Variants in NKAIN3 observed in about 807,000 individuals in gnomAD.
NKAIN3 encodes the protein sodium/potassium transporting ATPase interacting 3, also known as sodium/potassium-transporting ATPase subunit beta-1-interacting protein 3.
Under a neutral mutation model 30.2 loss-of-function variants are expected in NKAIN3, and 25 were observed. The ratio of observed to expected loss-of-function variants is 0.83; its 90% confidence interval spans 0.60 to 1.16. NKAIN3 has a LOEUF of 1.16. Among genes scored for constraint, NKAIN3 ranks in the 50% most tolerant of loss-of-function variants. The pLI is 0.00. For synonymous variants in NKAIN3, 91 were observed against 89.6 expected, an observed-to-expected ratio of 1.02 and a Z score of -0.09; for missense variants, 225 against 254.1, an observed-to-expected ratio of 0.89 and a Z score of 0.78.
chr8:62,636,044 G>A (rs1027174008), intron 3 of NKAIN3, among the ~76,000 whole-genome samples: 1 of 152,146 alleles, frequency 6.6e-6, no homozygotes, highest in Non-Finnish European at 1.5e-5. Context: ...ATGGAGCCGT[G>A]TGATAAGAAA....
At chr8:62,812,706 A>G (rs577671393) in intron 4 of NKAIN3, among the ~76,000 whole-genome samples, 2 of 151,834 alleles carry the variant, frequency 1.3e-5, no homozygotes, top group East Asian at 3.9e-4. Context: ...GCTTTTTACT[A>G]CACTCAATTT....
chr8:62,280,854 G>A (rs930452813), intron 1 of NKAIN3, among the ~76,000 whole-genome samples: 3 of 152,052 alleles, frequency 2.0e-5, no homozygotes, highest in African/African-American at 7.3e-5. Flanking sequence ...TTGTGCCTCT[G>A]CCAGGCTTTG....
downstream of NKAIN3, among the ~76,000 whole-genome samples, chr8:62,985,566 G>A (rs775635000): frequency 3.3e-5 from 5 of 152,120 alleles, no homozygotes; most frequent in South Asian, 1.0e-3. Flanking sequence ...CTTAACATGA[G>A]AGTACTGTAG....
intron 1 of NKAIN3, among the ~76,000 whole-genome samples, chr8:62,370,830 T>C (rs374042893): frequency 1.3e-5 from 2 of 152,060 alleles, no homozygotes; most frequent in African/African-American, 4.8e-5. Context: ...CCAGAAGAAA[T>C]GCAGCAGGAA....
chr8:62,580,976 G>T (rs2130066289), intron 2 of NKAIN3, among the ~76,000 whole-genome samples: 1 of 148,998 alleles, frequency 6.7e-6, no homozygotes, highest in South Asian at 2.1e-4. Context: ...ACATTGGGGG[G>T]CCTGTGGTCC....
At chr8:62,810,503 A>T (rs938876227) in intron 4 of NKAIN3, among the ~76,000 whole-genome samples, 7 of 152,172 alleles carry the variant, frequency 4.6e-5, no homozygotes, top group Admixed American at 2.0e-4. Flanking sequence ...TTTCATTTGT[A>T]AAATGTAAAA....
chr8:62,807,349 C>G (rs1053086122), intron 4 of NKAIN3, among the ~76,000 whole-genome samples: 1 of 151,910 alleles, frequency 6.6e-6, no homozygotes, highest in African/African-American at 2.4e-5. Flanking sequence ...ATGTGCTTAT[C>G]TTATTAATGT....
intron 1 of NKAIN3, among the ~76,000 whole-genome samples, chr8:62,407,308 T>A (rs1390921112): frequency 6.6e-6 from 1 of 151,636 alleles, no homozygotes; most frequent in African/African-American, 2.4e-5. Context: ...TATACTTGCA[T>A]GCTTTTTTTC....
chr8:62,501,043 AT>A (rs1194393584), intron 1 of NKAIN3, among the ~76,000 whole-genome samples: 42 of 152,324 alleles, frequency 2.8e-4, no homozygotes, highest in African/African-American at 9.1e-4. Flanking sequence ...ACATAAACAT[AT>A]TCTTATACAT....
intron 1 of NKAIN3, among the ~76,000 whole-genome samples, chr8:62,478,681 A>G (rs1806598993): frequency 6.6e-6 from 1 of 152,200 alleles, no homozygotes; most frequent in African/African-American, 2.4e-5. Context: ...ATAGTCCTTT[A>G]AAATCATCTG....
At chr8:62,574,327 G>C (rs1031306563) in intron 1 of NKAIN3, among the ~76,000 whole-genome samples, 23 of 152,204 alleles carry the variant, frequency 1.5e-4, no homozygotes, top group African/African-American at 5.5e-4. Flanking sequence ...CTTGGCTATT[G>C]TGAATAGTGC....
chr8:62,719,182 A>G (rs1024214897), intron 3 of NKAIN3, among the ~76,000 whole-genome samples: 1 of 152,224 alleles, frequency 6.6e-6, no homozygotes, highest in South Asian at 2.1e-4. Context: ...ACATTAGTGG[A>G]TAAAAGCAGG....
At chr8:62,354,278 T>C (rs1443181047) in intron 1 of NKAIN3, among the ~76,000 whole-genome samples, 1 of 150,974 alleles carries the variant, frequency 6.6e-6, no homozygotes, top group Non-Finnish European at 1.5e-5. Flanking sequence ...GCCTACCTTC[T>C]TTTTTTAGGT....
At chr8:62,417,385 A>T (rs1350469779) in intron 1 of NKAIN3, among the ~76,000 whole-genome samples, 3 of 152,180 alleles carry the variant, frequency 2.0e-5, no homozygotes, top group African/African-American at 7.2e-5. Flanking sequence ...TGATGGACAC[A>T]AGTTGCTTCC....
At chr8:62,943,771 A>C (rs1021553846) in intron 5 of NKAIN3, among the ~76,000 whole-genome samples, 5 of 147,910 alleles carry the variant, frequency 3.4e-5, no homozygotes, top group African/African-American at 1.2e-4. Context: ...ATTATATTAT[A>C]TATGGTATAA....
intron 4 of NKAIN3, among the ~76,000 whole-genome samples, chr8:62,870,681 C>A (rs566503397): frequency 8.8e-6 from 1 of 113,332 alleles, no homozygotes; most frequent in Non-Finnish European, 1.8e-5. Context: ...ATCTATATAT[C>A]TATATCTCTC....
intron 1 of NKAIN3, among the ~76,000 whole-genome samples, chr8:62,517,346 G>GTTTTCT (rs1808022768): frequency 6.6e-6 from 1 of 152,006 alleles, no homozygotes; most frequent in Non-Finnish European, 1.5e-5. Context: ...ACTAAGCAAA[G>GTTTTCT]TCTGCTGTGG....
chr8:62,691,606 A>G (rs760362846), intron 3 of NKAIN3, among the ~76,000 whole-genome samples: 16 of 152,248 alleles, frequency 1.1e-4, no homozygotes, highest in Middle Eastern at 3.4e-3. Flanking sequence ...GAGAATGTTA[A>G]ATTCTAAAAT....
At chr8:62,331,240 G>T (rs751600491) in intron 1 of NKAIN3, among the ~76,000 whole-genome samples, 1 of 148,214 alleles carries the variant, frequency 6.7e-6, no homozygotes, top group African/African-American at 2.5e-5. Context: ...TCTCTATATG[G>T]ATCTTCACTC....
Sources: allele counts gnomAD v4.1 joint callset (sites outside exome capture counted in the v4.1 genomes callset), GRCh38; gene constraint gnomAD v4.1.1; transcripts MANE v1.5; gene names NCBI Gene and HGNC (gene_info 2026-07-23, HGNC 2026-07-21).